FATE1: variants seen among roughly 807,000 people sequenced by gnomAD.
FATE1 encodes the protein fetal and adult testis-expressed transcript protein.
FATE1 carries 18 observed loss-of-function variants against 16.0 expected under a neutral mutation model. The ratio of observed to expected loss-of-function variants is 1.12; its 90% confidence interval spans 0.78 to 1.66. The LOEUF is 1.66. FATE1 is among the 40% of genes most tolerant of loss of function. The probability of loss-of-function intolerance (pLI) is 0.00; values close to 1 mark genes in which losing one functional copy is unlikely to be tolerated. For missense variants in FATE1, 169 were observed against 152.7 expected (o/e 1.11, Z -0.56); for synonymous variants, 76 against 56.9 (o/e 1.34, Z -1.51).
intron 1 of FATE1, among the ~76,000 whole-genome samples, chrX:151,717,066 G>C (rs757761577): frequency 9.0e-6 from 1 of 111,424 alleles, no homozygotes; most frequent in South Asian, 3.8e-4. Flanking sequence ...ACCTAGTCTC[G>C]AGCTCAGCCC....
In FATE1 at chrX:151,719,882, T is replaced by C. The variant is rs767069967; in HGVS notation, c.235-1513T>C. Reference sequence around the variant, plus strand: ...AGGTGAGCCTTGGTTGTCTATTTTTTTGTAAGAATGAGGCAAATAGAAGAG... The same window carrying C: ...AGGTGAGCCTTGGTTGTCTATTTTTCTGTAAGAATGAGGCAAATAGAAGAG... On this transcript the variant is annotated intron_variant, in intron 2 of 4. Transcript: ENST00000370350. Among the ~76,000 whole-genome samples, 7 of 111,827 alleles carry C rather than the reference T, an allele frequency of 6.3e-5. No homozygotes were observed. The South Asian group carries it at 2.7e-3, about 42-fold the overall frequency.
intron 2 of FATE1, among the ~76,000 whole-genome samples, chrX:151,718,108 GAGAGGAAGGA>G (rs2015077891): frequency 3.9e-5 from 3 of 76,527 alleles, no homozygotes; most frequent in East Asian, 3.8e-4. Context: ...GAAAGAGAGA[GAGAGGAAGGA>G]AGGAAGGAAG....
Position 151,717,380 on chromosome X carries a change from C to T in FATE1, c.215C>T (p.Ala72Val). The T allele has an allele frequency of 3.3e-6, 4 of 1,202,956 alleles. No homozygotes were observed. Among genetic ancestry groups the T allele is most frequent in the Non-Finnish European group, 4.5e-6 (4 of 890,250 alleles). The change falls in exon 2 of 5, where the codon GCC becomes GTC. Residue 72 changes from alanine to valine, a missense_variant. Transcript: ENST00000370350. ...GCCAAACGAGTTTGGAATATGACTGCCACCCGACCCAAGAAAATGGTACTG... is the reference window on the plus strand; with the variant it reads ...GCCAAACGAGTTTGGAATATGACTGTCACCCGACCCAAGAAAATGGTACTG... ...ASAKRVWNMTATRPKKMGSQL... is the reference protein window; with the variant it reads ...ASAKRVWNMTVTRPKKMGSQL...
intron 2 of FATE1, among the ~76,000 whole-genome samples, chrX:151,721,010 A>G (rs1294817495): frequency 7.1e-5 from 8 of 112,683 alleles, no homozygotes; most frequent in African/African-American, 2.3e-4. Flanking sequence ...CATCCTTGGA[A>G]AGTAAAGGCA....
At chrX:151,719,055 C>A (rs1401337492) in intron 2 of FATE1, among the ~76,000 whole-genome samples, 2 of 111,693 alleles carry the variant, frequency 1.8e-5, no homozygotes, top group East Asian at 5.6e-4. Flanking sequence ...CACTAATGTC[C>A]CTGAGACTAG....
chrX:151,723,025 C>T lies in FATE1; in HGVS notation c.*266C>T. 1 of 342,453 alleles carries T rather than the reference C, an allele frequency of 2.9e-6. No individual in the cohort carries two copies. The highest frequency in any genetic ancestry group is 5.1e-6 in the Non-Finnish European group (1 of 197,108). 28.2% of individuals were successfully genotyped at this position (342,453 alleles called of 1,213,427 possible). ...TGAACAGCATGGCGGCATCTGGGCC[C>T]CACAGTAACACCTAGTGGCAACCTT... is the stretch of plus-strand genomic sequence containing the variant. On this transcript the variant is annotated 3_prime_UTR_variant, in exon 5 of 5. Coordinates refer to ENST00000370350, the MANE Select transcript of FATE1 (RefSeq NM_033085.3).
intron 4 of FATE1, 75 bp from the exon 5 acceptor site, chrX:151,722,553 G>A (rs1356385567): frequency 8.4e-6 from 10 of 1,191,300 alleles, no homozygotes; most frequent in Non-Finnish European, 1.0e-5. Flanking sequence ...CTAACTTTAT[G>A]CTTTTCCCAT....
intron 1 of FATE1, among the ~76,000 whole-genome samples, chrX:151,716,444 A>G (rs2015061225): frequency 9.0e-6 from 1 of 111,459 alleles, no homozygotes; most frequent in Non-Finnish European, 1.9e-5. Flanking sequence ...GAGGATGGGA[A>G]CAACATGTGT....
chrX:151,718,237 A>G (rs182308311), intron 2 of FATE1, among the ~76,000 whole-genome samples: 1 of 110,577 alleles, frequency 9.0e-6, no homozygotes, highest in Non-Finnish European at 1.9e-5. Context: ...GAAAGAAAGA[A>G]AGAGAGAAAG....
rs955854360 is a variant in FATE1, at chrX:151,719,202, T to G, written c.234+1803T>G. Among the ~76,000 whole-genome samples the G allele has an allele frequency of 2.7e-5, 3 of 110,988 alleles. No homozygotes were observed. The East Asian group carries it at 8.3e-4, about 31-fold the overall frequency. On this transcript the variant is annotated intron_variant, in intron 2 of 4. Coordinates refer to ENST00000370350, the MANE Select transcript of FATE1 (RefSeq NM_033085.3). ...TAGGAAATCTAATTTACTAATTCTATTTATTTATTAATTCATTCATTCCTT... is the reference window on the plus strand; with the variant it reads ...TAGGAAATCTAATTTACTAATTCTAGTTATTTATTAATTCATTCATTCCTT...
At chrX:151,718,232 A>C (rs1161301666) in intron 2 of FATE1, among the ~76,000 whole-genome samples, 2 of 110,889 alleles carry the variant, frequency 1.8e-5, no homozygotes, top group Non-Finnish European at 3.8e-5. Flanking sequence ...AGAAAGAAAG[A>C]AAGAAAGAGA....
intron 2 of FATE1, among the ~76,000 whole-genome samples, chrX:151,718,241 G>GAAAGAA (rs1569424995): frequency 1.0e-3 from 102 of 98,805 alleles, no homozygotes; most frequent in African/African-American, 3.5e-3. Context: ...GAAAGAAAGA[G>GAAAGAA]AGAAAGAAAG....
At chrX:151,718,156 GGAAGGAAGGAA>G (rs1569424946) in intron 2 of FATE1, among the ~76,000 whole-genome samples, 4 of 87,324 alleles carry the variant, frequency 4.6e-5, no homozygotes, top group African/African-American at 1.7e-4. Flanking sequence ...AAGGAAGGAA[GGAAGGAAGGAA>G]GGAAGGGGAA....
intron 1 of FATE1, among the ~76,000 whole-genome samples, chrX:151,716,651 GA>G (rs750199576): frequency 1.8e-5 from 2 of 111,861 alleles, no homozygotes; most frequent in Admixed American, 1.9e-4. Flanking sequence ...CTATGATATA[GA>G]CAGAAAATAC....
chrX:151,720,879 A>G (rs1183441768), intron 2 of FATE1, among the ~76,000 whole-genome samples: 2 of 112,017 alleles, frequency 1.8e-5, no homozygotes, highest in African/African-American at 6.5e-5. Context: ...TGTACATGCT[A>G]GGGAGTTGTT....
intron 2 of FATE1, among the ~76,000 whole-genome samples, chrX:151,718,658 G>C (rs1191354041): frequency 1.2e-4 from 13 of 111,733 alleles, no homozygotes; most frequent in Admixed American, 4.7e-4. Flanking sequence ...GAATGTTCTA[G>C]AAAAATGCTG....
chrX:151,723,080 C>A lies in FATE1; in HGVS notation c.*321C>A. Reference sequence around the variant, plus strand: ...TCCTGACCTCAGCGGCCCTTCTGTTCCATCCTCTGTGGGCAGGGGTGTGGC... The same window carrying A: ...TCCTGACCTCAGCGGCCCTTCTGTTACATCCTCTGTGGGCAGGGGTGTGGC... On this transcript the variant is annotated 3_prime_UTR_variant, in exon 5 of 5. Coordinates refer to ENST00000370350, the MANE Select transcript of FATE1 (RefSeq NM_033085.3). 4.2e-6 allele frequency: 1 copy of A among 236,133 alleles called. No individual in the cohort carries two copies. Among genetic ancestry groups the A allele is most frequent in the Non-Finnish European group, 7.6e-6 (1 of 131,906 alleles). 19.5% of individuals were successfully genotyped at this position (236,133 alleles called of 1,213,427 possible).
In FATE1 at chrX:151,722,570, G is replaced by A. The variant is rs1310607581; in HGVS notation, c.421-58G>A. 5.8e-6 allele frequency: 7 copies of A among 1,206,669 alleles called. No individual in the cohort carries two copies. In the South Asian group the frequency reaches 1.2e-4, roughly 21 times the overall value. On this transcript the variant is annotated intron_variant, in intron 4 of 4. Coordinates refer to ENST00000370350, the MANE Select transcript of FATE1 (RefSeq NM_033085.3). ...AACTTTATGCTTTTCCCATGGCTGTGCTGTGGGCTTCTGGAGAAGAGCCTC... is the reference window on the plus strand; with the variant it reads ...AACTTTATGCTTTTCCCATGGCTGTACTGTGGGCTTCTGGAGAAGAGCCTC...
At position 151,716,167 on chromosome X, in the gene FATE1, G is replaced by T. The variant is rs1259874737; in HGVS notation, c.48G>T (p.Leu16=). The T allele has an allele frequency of 8.6e-7, 1 of 1,167,801 alleles. No individual in the cohort carries two copies. The highest frequency in any genetic ancestry group is 1.1e-6 in the Non-Finnish European group (1 of 872,991). The stretch of plus-strand genomic sequence containing the variant: ...CCAAGGCGGAGATGGAAATGTCCCT[G>T]GCAGAAGAACTGAATCATGGACGCC... ...PNTKAEMEMS[L]AEELNHGRQG... Residue 16 remains leucine (L), a synonymous_variant, in exon 1 of 5, where the codon CTG becomes CTT. Transcript: ENST00000370350.
Sources: allele counts gnomAD v4.1 joint callset (sites outside exome capture counted in the v4.1 genomes callset), GRCh38; gene constraint gnomAD v4.1.1; transcripts MANE v1.5; gene names NCBI Gene and HGNC (gene_info 2026-07-23, HGNC 2026-07-21).